Variants in CERT1 observed in about 807,000 individuals in gnomAD.
The protein encoded by CERT1 is ceramide transporter 1, also known as ceramide transfer protein.
CERT1 carries 31 observed loss-of-function variants against 87.9 expected under a neutral mutation model. The observed-to-expected ratio is 0.35, with a 90% CI of 0.27 to 0.48. The LOEUF (loss-of-function observed/expected upper bound fraction) is 0.48, where lower values mean the gene tolerates loss of function less well. Ranked by LOEUF, CERT1 falls within the 20% of genes least tolerant of loss-of-function variation. CERT1 has a pLI of 0.99. For synonymous variants in CERT1, 289 were observed against 250.9 expected, an observed-to-expected ratio of 1.15 and a Z score of -1.44; for missense variants, 487 against 758.0, an observed-to-expected ratio of 0.64 and a Z score of 4.20.
chr5:75,496,624 A>C (rs943394248), intron 2 of CERT1, among the ~76,000 whole-genome samples: 1 of 152,234 alleles, frequency 6.6e-6, no homozygotes, highest in African/African-American at 2.4e-5. Context: ...CCTATAGTGA[A>C]ACAGTATTCA....
chr5:75,405,183 C>T (rs1369603886), intron 8 of CERT1, among the ~76,000 whole-genome samples: 1 of 152,114 alleles, frequency 6.6e-6, no homozygotes, highest in Non-Finnish European at 1.5e-5. Flanking sequence ...TTACTAAGGG[C>T]AGGAGCTACT....
chr5:75,437,138 T>G (rs1340454919), intron 3 of CERT1, among the ~76,000 whole-genome samples: 1 of 152,182 alleles, frequency 6.6e-6, no homozygotes, highest in East Asian at 1.9e-4. Context: ...CCAGTATTAA[T>G]GAGTCTTAAA....
At chr5:75,502,904 A>G (rs900760706) in intron 2 of CERT1, among the ~76,000 whole-genome samples, 2 of 152,054 alleles carry the variant, frequency 1.3e-5, no homozygotes, top group African/African-American at 4.8e-5. Flanking sequence ...GTATCAAGCT[A>G]TAATAACTGA....
chr5:75,403,149 A>T, intron 8 of CERT1, 91 bp from the exon 9 acceptor site: 1 of 812,392 alleles, frequency 1.2e-6, no homozygotes. Context: ...TTGAAAATTG[A>T]CCTAATAAAC....
At chr5:75,402,039 G>T (rs1762517006) in intron 9 of CERT1, 1 of 152,132 alleles carries the variant, frequency 6.6e-6, no homozygotes. Flanking sequence ...CTGTACTGTT[G>T]CCAAATTAAA....
In CERT1 at chr5:75,489,503, C is replaced by T. The variant is rs566470883; in HGVS notation, c.231+16479G>A. ...ACATTTTTGCAGTCTATCCATTTGA[C>T]AAATGGCCAATATGCAGAATCTACA... On this transcript the variant is annotated intron_variant, in intron 2 of 16. Coordinates refer to ENST00000643780, the MANE Select transcript of CERT1 (RefSeq NM_001379029.1). Among the ~76,000 whole-genome samples, 43 of 152,086 alleles carry T rather than the reference C, an allele frequency of 2.8e-4. 1 individual carries two copies. Among genetic ancestry groups the T allele is most frequent in the African/African-American group, 9.9e-4 (41 of 41,470 alleles).
chr5:75,472,953 T>G (rs1380946575), intron 2 of CERT1, among the ~76,000 whole-genome samples: 1 of 152,244 alleles, frequency 6.6e-6, no homozygotes, highest in Non-Finnish European at 1.5e-5. Context: ...AAGAGACATC[T>G]GTACTTCCTA....
At chr5:75,451,496 G>T (rs1764767747) in intron 3 of CERT1, among the ~76,000 whole-genome samples, 2 of 152,068 alleles carry the variant, frequency 1.3e-5, no homozygotes, top group South Asian at 4.1e-4. Context: ...TGGAGACTTG[G>T]TTCTAACACA....
At chr5:75,425,236 C>A (rs1012407478) in intron 5 of CERT1, 125 bp downstream of exon 5, 1 of 828,516 alleles carries the variant, frequency 1.2e-6, no homozygotes, top group Non-Finnish European at 1.9e-6. Flanking sequence ...ATCTGTTTCA[C>A]TGGGGGTTTG....
intron 2 of CERT1, among the ~76,000 whole-genome samples, chr5:75,475,983 A>G (rs1277307654): frequency 6.6e-6 from 1 of 152,230 alleles, no homozygotes; most frequent in African/African-American, 2.4e-5. Context: ...TTGGAATAGT[A>G]AAAGCACTCA....
At chr5:75,421,306 T>C (rs934359424) in intron 5 of CERT1, among the ~76,000 whole-genome samples, 1 of 152,224 alleles carries the variant, frequency 6.6e-6, no homozygotes, top group African/African-American at 2.4e-5. Context: ...TTTGATTAAA[T>C]GGTAGGAATC....
At chr5:75,483,530 T>C (rs889220436) in intron 2 of CERT1, among the ~76,000 whole-genome samples, 3 of 152,086 alleles carry the variant, frequency 2.0e-5, no homozygotes, top group East Asian at 1.9e-4. Context: ...AAGAAGGTTA[T>C]AGAACATCAA....
At chr5:75,508,356 T>TA in intron 1 of CERT1, among the ~76,000 whole-genome samples, 1 of 152,348 alleles carries the variant, frequency 6.6e-6, no homozygotes, top group African/African-American at 2.4e-5. Context: ...TATACATAGC[T>TA]AATGAAGCTT....
intron 17 of CERT1, chr5:75,369,346 T>C (rs987806586): frequency 1.3e-5 from 2 of 152,204 alleles, no homozygotes; most frequent in African/African-American, 4.8e-5. Context: ...ATCGAACCAT[T>C]GTTAAGGAAC....
chr5:75,479,028 A>G (rs750446093), intron 2 of CERT1, among the ~76,000 whole-genome samples: 2 of 151,788 alleles, frequency 1.3e-5, no homozygotes, highest in Admixed American at 1.3e-4. Context: ...ATCAAAATAT[A>G]TAAGTACAGT....
At chr5:75,487,922 A>C (rs1333416050) in intron 2 of CERT1, among the ~76,000 whole-genome samples, 1 of 152,118 alleles carries the variant, frequency 6.6e-6, no homozygotes, top group Non-Finnish European at 1.5e-5. Context: ...ATGGAACTGG[A>C]GGACATTATG....
chr5:75,435,871 T>A (rs754365143), intron 3 of CERT1, among the ~76,000 whole-genome samples: 4 of 152,050 alleles, frequency 2.6e-5, no homozygotes, highest in African/African-American at 9.7e-5. Flanking sequence ...AGGGTGGTGG[T>A]GGCTCCCTCA....
chr5:75,387,872 C>T (rs755446428), intron 12 of CERT1, among the ~76,000 whole-genome samples: 11 of 152,174 alleles, frequency 7.2e-5, no homozygotes, highest in Admixed American at 1.3e-4. Context: ...GGCCCAATTT[C>T]TCTCTAACAC....
intron 7 of CERT1, among the ~76,000 whole-genome samples, chr5:75,413,479 T>C (rs775911388): frequency 6.6e-6 from 1 of 152,164 alleles, no homozygotes; most frequent in Non-Finnish European, 1.5e-5. Context: ...TGCAGTGGCA[T>C]GTGCCTGTAG....
Sources: gnomAD v4.1 joint callset for allele counts (sites outside exome capture counted in the v4.1 genomes callset) on GRCh38, gnomAD v4.1.1 for gene constraint, MANE v1.5 for transcripts, NCBI Gene and HGNC (gene_info 2026-07-23, HGNC 2026-07-21) for gene names.